Variants in TAFA2 observed in about 807,000 individuals in gnomAD.
TAFA2 encodes TAFA chemokine like family member 2, also known as chemokine-like protein TAFA-2.
TAFA2 carries 7 observed loss-of-function variants against 18.8 expected under a neutral mutation model. The observed-to-expected ratio is 0.37, with a 90% CI of 0.21 to 0.70. The LOEUF (loss-of-function observed/expected upper bound fraction) is 0.70. TAFA2 is among the 30% of genes least tolerant of loss of function. TAFA2 has a pLI of 0.53. For synonymous variants in TAFA2, 60 were observed against 54.2 expected (o/e 1.11, Z -0.47); for missense variants, 122 against 158.1 (o/e 0.77, Z 1.23).
intron 1 of TAFA2, among the ~76,000 whole-genome samples, chr12:62,168,914 A>G (rs2062457781): frequency 6.7e-6 from 1 of 149,072 alleles, no homozygotes; most frequent in African/African-American, 2.5e-5. Flanking sequence ...AATTGAAACA[A>G]GCACTCACTC....
At chr12:61,740,729 G>A (rs183379245) in intron 4 of TAFA2, among the ~76,000 whole-genome samples, 5 of 151,712 alleles carry the variant, frequency 3.3e-5, no homozygotes, top group African/African-American at 1.2e-4. Context: ...GTCACCAGAA[G>A]AGAATAAGCA....
chr12:61,767,316 A>G (rs1405674899), intron 2 of TAFA2, among the ~76,000 whole-genome samples: 1 of 152,054 alleles, frequency 6.6e-6, no homozygotes, highest in Non-Finnish European at 1.5e-5. Flanking sequence ...TTTCTTTCCA[A>G]CTCCAAAAAT....
intron 2 of TAFA2, among the ~76,000 whole-genome samples, chr12:61,855,699 A>G (rs192963904): frequency 6.6e-6 from 1 of 152,278 alleles, no homozygotes; most frequent in Middle Eastern, 3.4e-3. Context: ...GATGCTTCAG[A>G]ATTATTTTAA....
intron 1 of TAFA2, among the ~76,000 whole-genome samples, chr12:61,889,955 CCATTT>C (rs2121293671): frequency 6.6e-6 from 1 of 152,312 alleles, no homozygotes; most frequent in South Asian, 2.1e-4. Context: ...ATAAATCACT[CCATTT>C]CTTTTACTCT....
At chr12:62,220,373 G>A (rs1466798764) in intron 1 of TAFA2, among the ~76,000 whole-genome samples, 2 of 152,106 alleles carry the variant, frequency 1.3e-5, no homozygotes, top group Non-Finnish European at 2.9e-5. Flanking sequence ...CTGTAAGAAT[G>A]GTCAAAATCA....
At chr12:61,911,513 A>T (rs1565678496) in intron 1 of TAFA2, among the ~76,000 whole-genome samples, 1 of 152,232 alleles carries the variant, frequency 6.6e-6, no homozygotes, top group Non-Finnish European at 1.5e-5. Flanking sequence ...CACCTAGGCT[A>T]CAAAGCTAAA....
intron 1 of TAFA2, among the ~76,000 whole-genome samples, chr12:61,964,599 A>G (rs967532904): frequency 6.6e-6 from 1 of 151,878 alleles, no homozygotes; most frequent in East Asian, 1.9e-4. Flanking sequence ...ATACTCAGCC[A>G]AGCAGGCAAC....
chr12:61,741,785 A>T (rs182181547), intron 4 of TAFA2, among the ~76,000 whole-genome samples: 19 of 152,288 alleles, frequency 1.2e-4, no homozygotes, highest in Middle Eastern at 3.4e-3. Context: ...AAAATCTAGC[A>T]CAATGTCTGG....
intron 1 of TAFA2, among the ~76,000 whole-genome samples, chr12:62,165,939 T>TCTCACACA (rs1555195377): frequency 1.1e-4 from 16 of 139,450 alleles, no homozygotes; most frequent in Middle Eastern, 3.8e-3. Flanking sequence ...TCTCTCTCTC[T>TCTCACACA]CACACACACA....
intron 2 of TAFA2, among the ~76,000 whole-genome samples, chr12:61,785,703 C>T (rs919400459): frequency 1.3e-5 from 2 of 151,394 alleles, no homozygotes; most frequent in African/African-American, 4.8e-5. Flanking sequence ...TTGACTCCTA[C>T]ATGTTGAATC....
chr12:61,838,043 C>G (rs1043100133), intron 2 of TAFA2, among the ~76,000 whole-genome samples: 2 of 151,834 alleles, frequency 1.3e-5, no homozygotes, highest in African/African-American at 4.8e-5. Flanking sequence ...GGCATTTGAT[C>G]CAAGGTGAGA....
At chr12:62,025,431 A>T (rs1881280540) in intron 1 of TAFA2, among the ~76,000 whole-genome samples, 1 of 152,180 alleles carries the variant, frequency 6.6e-6, no homozygotes, top group Admixed American at 6.5e-5. Context: ...TAAAAATTAA[A>T]AAATAAGCAA....
rs1269844792 is a variant in TAFA2 at position 62,076,126 on chromosome 12, C to T, written c.-2+115133G>A. 2.0e-5 allele frequency among the ~76,000 whole-genome samples: 3 copies of T among 152,168 alleles called. No homozygotes were observed. The East Asian group carries it at 5.8e-4, about 29-fold the overall frequency. Reference sequence around the variant, plus strand: ...TGAAACTGATTTAAATTGTACTTTTCAAAAGGGAAGTGAATTTTGCCTGGT... The same window carrying T: ...TGAAACTGATTTAAATTGTACTTTTTAAAAGGGAAGTGAATTTTGCCTGGT... On this transcript the variant is annotated intron_variant, in intron 1 of 4. Transcript: ENST00000416284.
At chr12:62,083,817 T>C (rs1299129298) in intron 1 of TAFA2, among the ~76,000 whole-genome samples, 1 of 152,182 alleles carries the variant, frequency 6.6e-6, no homozygotes, top group Non-Finnish European at 1.5e-5. Context: ...TCTTCATCAT[T>C]AACATATCTG....
chr12:61,970,012 T>C (rs1879193693), intron 1 of TAFA2, among the ~76,000 whole-genome samples: 1 of 151,698 alleles, frequency 6.6e-6, no homozygotes, highest in African/African-American at 2.4e-5. Flanking sequence ...ACAGTCATAA[T>C]AAGAGGCCTA....
chr12:62,039,277 C>T (rs892300559), intron 1 of TAFA2, among the ~76,000 whole-genome samples: 2 of 152,130 alleles, frequency 1.3e-5, no homozygotes, highest in Non-Finnish European at 2.9e-5. Context: ...TTATTCTGAA[C>T]CTGTCCAAAA....
At chr12:61,852,109 A>T (rs902555749) in intron 2 of TAFA2, among the ~76,000 whole-genome samples, 1 of 151,302 alleles carries the variant, frequency 6.6e-6, no homozygotes, top group Non-Finnish European at 1.5e-5. Flanking sequence ...CAAGAGGCTG[A>T]GGCAGGAGAA....
intron 1 of TAFA2, among the ~76,000 whole-genome samples, chr12:62,164,931 A>G (rs2062428950): frequency 2.0e-5 from 3 of 152,092 alleles, no homozygotes; most frequent in Admixed American, 2.0e-4. Context: ...CAACAGTCCA[A>G]TTTACAGATG....
At chr12:61,927,986 C>G (rs897760772) in intron 1 of TAFA2, among the ~76,000 whole-genome samples, 1 of 152,188 alleles carries the variant, frequency 6.6e-6, no homozygotes, top group Non-Finnish European at 1.5e-5. Flanking sequence ...GGACCCCTTC[C>G]TTATACCTTA....
Sources: allele counts gnomAD v4.1 joint callset (sites outside exome capture counted in the v4.1 genomes callset), GRCh38; gene constraint gnomAD v4.1.1; transcripts MANE v1.5; gene names NCBI Gene and HGNC (gene_info 2026-07-23, HGNC 2026-07-21).